The following MPDZ variants were observed in gnomAD, a reference collection of about 807,000 sequenced individuals.
MPDZ encodes the protein multiple PDZ domain crumbs cell polarity complex component, also known as multiple PDZ domain protein.
In MPDZ, 234 loss-of-function variants were observed where a neutral mutation model predicts 239.1. The ratio of observed to expected loss-of-function variants is 0.98; its 90% confidence interval spans 0.88 to 1.09. MPDZ has a LOEUF of 1.09. MPDZ is among the 50% of genes least tolerant of loss of function. The pLI is 0.00. For missense variants in MPDZ, 3,175 were observed against 2,510.0 expected (o/e 1.26, Z -5.66); for synonymous variants, 1,048 against 881.3 (o/e 1.19, Z -3.35).
At chr9:13,241,055 C>T (rs1965283855) in intron 3 of MPDZ, among the ~76,000 whole-genome samples, 1 of 152,014 alleles carries the variant, frequency 6.6e-6, no homozygotes, top group South Asian at 2.1e-4. Context: ...GCCTTCTTGC[C>T]CACGGTAAAA....
intron 8 of MPDZ, among the ~76,000 whole-genome samples, chr9:13,217,782 C>T (rs1331765399): frequency 6.6e-6 from 1 of 151,788 alleles, no homozygotes; most frequent in Non-Finnish European, 1.5e-5. Flanking sequence ...ATTTATTGAG[C>T]AGTTTGTGTG....
rs1251774200 is a variant in MPDZ at position 13,176,137 on chromosome 9, T to G, written c.2930A>C (p.Lys977Thr). Residue 977 changes from lysine (K) to threonine (T), a missense_variant and splice_region_variant, in exon 20 of 47, where the codon AAG (lysine) becomes ACG (threonine). Lys to Thr is a moderately conservative substitution (Grantham distance 78). Transcript: ENST00000319217. ...LPSVLPDSAG[K>T]GSEYLLEQSS... ...CAAACCATATCTTTAAAATATTACC[T>G]TTCCAGCTGAATCGGGTAGCACAGA... The G allele has an allele frequency of 3.2e-6, 5 of 1,584,928 alleles. No individual in the cohort carries two copies. The highest frequency in any genetic ancestry group is 4.3e-6 in the Non-Finnish European group (5 of 1,164,000).
chr9:13,171,870 G>A (rs1034953892), intron 21 of MPDZ, among the ~76,000 whole-genome samples: 5 of 152,104 alleles, frequency 3.3e-5, no homozygotes, highest in Non-Finnish European at 5.9e-5. Context: ...ATTAAGGGGA[G>A]ACTATGAATC....
At chr9:13,249,867 G>C (rs1225489115) in intron 2 of MPDZ, among the ~76,000 whole-genome samples, 1 of 152,134 alleles carries the variant, frequency 6.6e-6, no homozygotes, top group Non-Finnish European at 1.5e-5. Context: ...ATAAGACTAA[G>C]CAACATTTTT....
intron 10 of MPDZ, among the ~76,000 whole-genome samples, chr9:13,215,118 T>G (rs1240078593): frequency 6.6e-6 from 1 of 151,926 alleles, no homozygotes; most frequent in African/African-American, 2.4e-5. Flanking sequence ...ATTGAACAAC[T>G]CCTCATTTCC....
intron 32 of MPDZ, among the ~76,000 whole-genome samples, chr9:13,131,587 T>A (rs562010655): frequency 1.1e-4 from 17 of 152,266 alleles, no homozygotes; most frequent in African/African-American, 4.1e-4. Flanking sequence ...GTAGCATAAA[T>A]AATCCTTCAT....
chr9:13,224,472 T>C lies in MPDZ; in HGVS notation c.295A>G (p.Asn99Asp). The change falls in exon 4 of 47, where the codon AAT (asparagine) becomes GAT (aspartate). Residue 99 changes from asparagine to aspartate, a missense_variant. By Grantham distance (23) the Asn-to-Asp change is conservative (BLOSUM62 1). Coordinates refer to ENST00000319217, the MANE Select transcript of MPDZ (RefSeq NM_001378778.1). ...QNESFLLSPN[N>D]GNLEALTGPG... ...CCTGTAAGTGCTTCCAGATTCCCAT[T>C]GTTTGGGGATAATAAAAACGATTCA... 6.2e-7 allele frequency: 1 copy of C among 1,612,924 alleles called. No individual in the cohort carries two copies. Among genetic ancestry groups the C allele is most frequent in the Non-Finnish European group, 8.5e-7 (1 of 1,179,256 alleles).
At chr9:13,122,203 T>A in intron 36 of MPDZ, 33 bp from the exon 37 acceptor site, 1 of 1,590,918 alleles carries the variant, frequency 6.3e-7, no homozygotes, top group Non-Finnish European at 8.6e-7. Flanking sequence ...CCCATACTTA[T>A]CCCATTCTCC....
In MPDZ at chr9:13,242,385, T is replaced by C. The variant is rs1299392974; in HGVS notation, c.183+5250A>G. ...GGATTACAGGCATGCATGAACACGC[T>C]CGGCTAATTTTTGTATTTTTAGTAG... On this transcript the variant is annotated intron_variant, in intron 3 of 46. Coordinates refer to ENST00000319217, the MANE Select transcript of MPDZ (RefSeq NM_001378778.1). Among the ~76,000 whole-genome samples, 8 of 151,596 alleles carry C rather than the reference T, an allele frequency of 5.3e-5. No individual in the cohort carries two copies. In the East Asian group the frequency reaches 1.6e-3, roughly 30 times the overall value.
At chr9:13,233,151 G>A (rs547385066) in intron 3 of MPDZ, among the ~76,000 whole-genome samples, 13 of 152,120 alleles carry the variant, frequency 8.5e-5, no homozygotes, top group South Asian at 4.1e-4. Context: ...CAGAATCCAC[G>A]AAAGCTGAAT....
At chr9:13,160,364 T>C (rs1362019541) in intron 23 of MPDZ, among the ~76,000 whole-genome samples, 1 of 152,136 alleles carries the variant, frequency 6.6e-6, no homozygotes, top group Admixed American at 6.6e-5. Flanking sequence ...GAAAATATAC[T>C]TTCTCTGCAG....
chr9:13,170,528 G>C (rs935434315), intron 21 of MPDZ, among the ~76,000 whole-genome samples: 3 of 152,098 alleles, frequency 2.0e-5, no homozygotes, highest in African/African-American at 7.2e-5. Context: ...ACTCCATTTT[G>C]TACTGTTAAA....
chr9:13,136,320 G>GTTTTTTTTGT, intron 30 of MPDZ, 138 bp from the exon 31 acceptor site: 1 of 193,264 alleles, frequency 5.2e-6, no homozygotes, highest in Non-Finnish European at 8.3e-6. Flanking sequence ...ATTTACAAAC[G>GTTTTTTTTGT]TTTTCTTTTT....
chr9:13,259,683 C>T (rs780712713), intron 1 of MPDZ, among the ~76,000 whole-genome samples: 6 of 152,064 alleles, frequency 3.9e-5, no homozygotes, highest in Non-Finnish European at 7.4e-5. Flanking sequence ...TGCAAGAGTG[C>T]ATGGTACCTT....
rs918472844 is a variant in MPDZ at position 13,211,712 on chromosome 9, T to C, written c.1290+5062A>G. On this transcript the variant is annotated intron_variant, in intron 10 of 46. Transcript: ENST00000319217. ...ATCCATGATTAAGCCTGCTTCAATA[T>C]ATCACAACAGACCTACATGTGCTTA... Among the ~76,000 whole-genome samples, 7 of 152,132 alleles carry C rather than the reference T, an allele frequency of 4.6e-5. No homozygotes were observed. The East Asian group carries it at 1.3e-3, about 29-fold the overall frequency.
intron 10 of MPDZ, among the ~76,000 whole-genome samples, chr9:13,209,143 G>C (rs1454810641): frequency 1.3e-5 from 2 of 152,122 alleles, no homozygotes; most frequent in Non-Finnish European, 2.9e-5. Context: ...CATTAAGTGA[G>C]GCAATCAGAT....
At chr9:13,119,264 T>C (rs918459599) in intron 39 of MPDZ, among the ~76,000 whole-genome samples, 2 of 152,120 alleles carry the variant, frequency 1.3e-5, no homozygotes, top group African/African-American at 4.8e-5. Flanking sequence ...TTATATTTTT[T>C]TGTAGAGATG....
intron 1 of MPDZ, among the ~76,000 whole-genome samples, chr9:13,266,346 G>C (rs1971786484): frequency 6.6e-6 from 1 of 152,182 alleles, no homozygotes; most frequent in Non-Finnish European, 1.5e-5. Context: ...TGTGCTTGTG[G>C]TGACTAGTGG....
At chr9:13,172,234 A>G (rs1009933188) in intron 21 of MPDZ, among the ~76,000 whole-genome samples, 1 of 152,204 alleles carries the variant, frequency 6.6e-6, no homozygotes, top group Non-Finnish European at 1.5e-5. Context: ...AACGCCAGGG[A>G]GAAAGCCCTA....
Sources: gnomAD v4.1 joint callset for allele counts (sites outside exome capture counted in the v4.1 genomes callset) on GRCh38, gnomAD v4.1.1 for gene constraint, MANE v1.5 for transcripts, NCBI Gene and HGNC (gene_info 2026-07-23, HGNC 2026-07-21) for gene names.